The following TEX11 variants were observed in gnomAD, a reference collection of about 807,000 sequenced individuals.
TEX11 encodes the protein testis expressed 11, also known as testis-expressed protein 11.
In TEX11, 7 loss-of-function variants were observed where a neutral mutation model predicts 84.4. The observed-to-expected ratio is 0.08, with a 90% confidence interval of 0.05 to 0.16. The LOEUF (loss-of-function observed/expected upper bound fraction) is 0.16. Ranked by LOEUF, TEX11 falls within the 10% of genes least tolerant of loss-of-function variation. TEX11 has a pLI of 1.00. For missense variants in TEX11, 551 were observed against 660.5 expected, an observed-to-expected ratio of 0.83 and a Z score of 1.82; for synonymous variants, 264 against 222.8, an observed-to-expected ratio of 1.18 and a Z score of -1.64.
At chrX:70,829,477 G>A (rs6624508) in intron 8 of TEX11, among the ~76,000 whole-genome samples, 27,927 of 69,348 alleles carry the variant, frequency 0.4, 3,276 homozygotes, top group East Asian at 0.63. Flanking sequence ...GCAACATTCC[G>A]TCTCAAAAAA....
chrX:70,587,656 G>C (rs1408836819), intron 25 of TEX11, among the ~76,000 whole-genome samples: 1 of 112,311 alleles, frequency 8.9e-6, no homozygotes. Flanking sequence ...GTGAGGAAGG[G>C]AAATGTGGGG....
chrX:70,622,404 C>T (rs897568625), intron 20 of TEX11, among the ~76,000 whole-genome samples: 2 of 111,954 alleles, frequency 1.8e-5, no homozygotes, highest in East Asian at 2.8e-4. Context: ...GGATTCCCTC[C>T]CTTACCCCAT....
chrX:70,706,581 C>A lies in TEX11; in HGVS notation c.1004+16037G>T, dbSNP rs1234090852. The stretch of plus-strand genomic sequence containing the variant: ...TGTCTTCATAAATTATCCTCTAACC[C>A]CCCCTTTTATGGTATAAAAATATTC... On this transcript the variant is annotated intron_variant, in intron 13 of 29. Transcript: ENST00000374333. Among the ~76,000 whole-genome samples the A allele has an allele frequency of 9.9e-5, 11 of 110,859 alleles. No individual in the cohort carries two copies. The East Asian group carries it at 1.1e-3, about 11-fold the overall frequency.
At position 70,806,698 on chromosome X, in the gene TEX11, A is replaced by C. The variant is rs1337119286; in HGVS notation, c.692+7T>G. ...CGAGTTTACATTCAGTTTTTTGTTT[A>C]TGTTACCTAAGCCAGAAAGAACTTT... On this transcript the variant is annotated splice_region_variant and intron_variant, in intron 9 of 29. Transcript: ENST00000374333. The C allele has an allele frequency of 8.8e-7, 1 of 1,130,520 alleles. No homozygotes were observed. The highest frequency in any genetic ancestry group is 1.2e-6 in the Non-Finnish European group (1 of 832,466). 93.2% of individuals were successfully genotyped at this position (1,130,520 alleles called of 1,213,427 possible).
At chrX:70,564,126 G>A (rs755394441) in intron 25 of TEX11, among the ~76,000 whole-genome samples, 12 of 112,007 alleles carry the variant, frequency 1.1e-4, no homozygotes. Context: ...CTACTTGGGA[G>A]GCTGAGGCTG....
chrX:70,796,263 GTAGTGA>G (rs1569443825), intron 9 of TEX11, among the ~76,000 whole-genome samples: 1 of 111,822 alleles, frequency 8.9e-6, no homozygotes, highest in Non-Finnish European at 1.9e-5. Flanking sequence ...GATGAAATAA[GTAGTGA>G]CCTTGAAGAC....
chrX:70,624,808 CT>C, intron 19 of TEX11, 30 bp downstream of exon 19: 1 of 1,116,697 alleles, frequency 9.0e-7, no homozygotes, highest in Non-Finnish European at 1.2e-6. Context: ...AGAGGAAATA[CT>C]TTCTCTTCCA....
intron 5 of TEX11, among the ~76,000 whole-genome samples, chrX:70,854,547 A>G (rs1338912052): frequency 9.0e-6 from 1 of 111,063 alleles, no homozygotes; most frequent in Non-Finnish European, 1.9e-5. Context: ...CCTGAGCAAC[A>G]TAACATAGCA....
chrX:70,597,763 A>T (rs1266615448), intron 24 of TEX11, among the ~76,000 whole-genome samples: 2 of 112,390 alleles, frequency 1.8e-5, no homozygotes, highest in South Asian at 3.7e-4. Flanking sequence ...CATCAAAATT[A>T]AAAATGTATT....
At chrX:70,521,735 A>C in the TEX11 span, among the ~76,000 whole-genome samples, 7,204 of 112,047 alleles carry the variant, frequency 0.064, 202 homozygotes, top group African/African-American at 0.1. Flanking sequence ...TCAGTTTGTG[A>C]GAGCATAAGG....
chrX:70,875,972 G>A (rs1267169201), intron 3 of TEX11, among the ~76,000 whole-genome samples: 1 of 111,380 alleles, frequency 9.0e-6, no homozygotes, highest in East Asian at 2.8e-4. Context: ...ACATTTAGGG[G>A]GGAAGTGTAC....
At chrX:70,816,781 G>A (rs1197650223) in intron 8 of TEX11, among the ~76,000 whole-genome samples, 1 of 110,517 alleles carries the variant, frequency 9.0e-6, no homozygotes, top group African/African-American at 3.3e-5. Context: ...AGCCCAAATA[G>A]GGTGAGAGAA....
intron 25 of TEX11, among the ~76,000 whole-genome samples, chrX:70,561,388 CTTT>C (rs34112390): frequency 2.5e-5 from 2 of 78,954 alleles, no homozygotes; most frequent in Admixed American, 1.6e-4. Flanking sequence ...TATCAATTTA[CTTT>C]TTTTTTTTTT....
chrX:70,852,208 T>C (rs971969219), intron 7 of TEX11, among the ~76,000 whole-genome samples: 11 of 112,367 alleles, frequency 9.8e-5, no homozygotes, highest in Non-Finnish European at 1.9e-4. Flanking sequence ...TGTTTGTTTT[T>C]TGAGACACAG....
intron 28 of TEX11, among the ~76,000 whole-genome samples, chrX:70,550,232 C>T (rs967649810): frequency 8.9e-6 from 1 of 112,439 alleles, no homozygotes; most frequent in African/African-American, 3.2e-5. Context: ...TTGCCTTATA[C>T]AAAGATCAAA....
At chrX:70,746,712 G>A (rs954921525) in intron 9 of TEX11, among the ~76,000 whole-genome samples, 24 of 112,090 alleles carry the variant, frequency 2.1e-4, no homozygotes, top group African/African-American at 6.5e-4. Context: ...TCTTGATAGT[G>A]AGCAATTAAG....
intron 8 of TEX11, among the ~76,000 whole-genome samples, chrX:70,824,933 T>A (rs1210331262): frequency 9.0e-6 from 1 of 111,577 alleles, no homozygotes; most frequent in East Asian, 2.8e-4. Flanking sequence ...TTTGCCTGAA[T>A]CTACCAGATT....
intron 16 of TEX11, among the ~76,000 whole-genome samples, chrX:70,659,582 G>C (rs1360739193): frequency 8.9e-6 from 1 of 111,783 alleles, no homozygotes; most frequent in Non-Finnish European, 1.9e-5. Context: ...TGGAGAAATT[G>C]GAACACTTGT....
chrX:70,643,481 G>C (rs2089692887), intron 17 of TEX11, among the ~76,000 whole-genome samples: 1 of 87,542 alleles, frequency 1.1e-5, no homozygotes, highest in Non-Finnish European at 2.2e-5. Context: ...TAAGCCAAAA[G>C]AACAAAGCTG....
Sources: gnomAD v4.1 joint callset for allele counts (sites outside exome capture counted in the v4.1 genomes callset) on GRCh38, gnomAD v4.1.1 for gene constraint, MANE v1.5 for transcripts, NCBI Gene and HGNC (gene_info 2026-07-23, HGNC 2026-07-21) for gene names.